Variants in TEX11 observed in about 807,000 individuals in gnomAD.
The protein encoded by TEX11 is testis expressed 11, also known as testis-expressed protein 11.
Under a neutral mutation model 84.4 loss-of-function variants are expected in TEX11, and 7 were observed. The ratio of observed to expected loss-of-function variants is 0.08; its 90% CI spans 0.05 to 0.16. The LOEUF is 0.16. TEX11 is among the 10% of genes least tolerant of loss of function. The pLI is 1.00. For synonymous variants in TEX11, 264 were observed against 222.8 expected, an observed-to-expected ratio of 1.18 and a Z score of -1.64; for missense variants, 551 against 660.5, an observed-to-expected ratio of 0.83 and a Z score of 1.82.
At chrX:70,795,450 G>A (rs192833406) in intron 9 of TEX11, among the ~76,000 whole-genome samples, 1 of 110,544 alleles carries the variant, frequency 9.0e-6, no homozygotes, top group East Asian at 2.9e-4. Flanking sequence ...AAGCTTCATC[G>A]CCTCACCTGC....
chrX:70,548,385 T>C (rs763169693), intron 28 of TEX11, among the ~76,000 whole-genome samples: 1 of 109,976 alleles, frequency 9.1e-6, no homozygotes, highest in Non-Finnish European at 1.9e-5. Flanking sequence ...AACCTGCACA[T>C]TGTGCACATG....
chrX:70,629,925 C>T (rs1459110361), intron 17 of TEX11, among the ~76,000 whole-genome samples, 190 bp from the exon 18 acceptor site: 1 of 112,086 alleles, frequency 8.9e-6, no homozygotes, highest in Non-Finnish European at 1.9e-5. Flanking sequence ...CCCAACTGAG[C>T]AACTGCACAT....
At chrX:70,714,742 A>G (rs2090479783) in intron 13 of TEX11, among the ~76,000 whole-genome samples, 1 of 111,331 alleles carries the variant, frequency 9.0e-6, no homozygotes, top group Non-Finnish European at 1.9e-5. Context: ...TTGACTCTTT[A>G]TCCAATTTGC....
chrX:70,744,100 T>C, intron 10 of TEX11, 65 bp downstream of exon 10: 1 of 725,042 alleles, frequency 1.4e-6, no homozygotes, highest in Non-Finnish European at 1.9e-6. Flanking sequence ...GCTATTATAA[T>C]TTTATAACAA....
At chrX:70,584,891 TA>T (rs1200905659) in intron 25 of TEX11, among the ~76,000 whole-genome samples, 7 of 111,329 alleles carry the variant, frequency 6.3e-5, no homozygotes, top group African/African-American at 2.0e-4. Flanking sequence ...TAAAGGGCAT[TA>T]AAAAAAATTC....
rs377710048 is a variant in TEX11 at position 70,880,072 on chromosome X, A to G, written c.75T>C (p.Pro25=). The change falls in exon 3 of 30, where the codon CCT becomes CCC. Residue 25 remains proline, a synonymous_variant. Transcript: ENST00000374333. ...GTCTATCAATTGCCTCTGGTATGTT[A>G]GGTGAATTATCATTTGTAACCAGGT... The part of the protein sequence containing the change: ...VENLVTNDNS[P]NIPEAIDRLF... 2.5e-5 allele frequency: 29 copies of G among 1,181,975 alleles called. No individual in the cohort carries two copies. The highest frequency in any genetic ancestry group is 3.2e-5 in the Non-Finnish European group (28 of 875,056).
At chrX:70,570,676 C>G (rs2088582708) in intron 25 of TEX11, among the ~76,000 whole-genome samples, 2 of 111,238 alleles carry the variant, frequency 1.8e-5, no homozygotes, top group African/African-American at 6.5e-5. Context: ...TTAAAATAGT[C>G]TAAATAGGAC....
chrX:70,686,976 T>C (rs1279808408), intron 13 of TEX11, among the ~76,000 whole-genome samples: 2 of 111,960 alleles, frequency 1.8e-5, no homozygotes, highest in Non-Finnish European at 3.8e-5. Context: ...GACATCCATT[T>C]GCAAGGGTTA....
the TEX11 span, among the ~76,000 whole-genome samples, chrX:70,511,752 C>CAAAAAAAAAA: frequency 9.2e-4 from 30 of 32,548 alleles, no homozygotes; most frequent in Non-Finnish European, 1.6e-3. Context: ...GACTCCATCT[C>CAAAAAAAAAA]AAAAAAAAAA....
At chrX:70,711,297 T>A (rs998913934) in intron 13 of TEX11, among the ~76,000 whole-genome samples, 2 of 111,519 alleles carry the variant, frequency 1.8e-5, no homozygotes, top group African/African-American at 6.5e-5. Context: ...CCTTTAGGTA[T>A]ATACCCAGTA....
intron 18 of TEX11, among the ~76,000 whole-genome samples, chrX:70,628,086 A>C (rs12690334): frequency 0.087 from 9,541 of 110,024 alleles, 923 homozygotes; most frequent in African/African-American, 0.27. Context: ...AAAATTAGTC[A>C]GGTGTGGCTG....
Position 70,594,693 on chromosome X carries a change from G to A in TEX11, c.2068-2870C>T, listed in dbSNP as rs938731791. 5.4e-5 allele frequency among the ~76,000 whole-genome samples: 6 copies of A among 111,085 alleles called. No individual in the cohort carries two copies. In the East Asian group the frequency reaches 1.1e-3, roughly 21 times the overall value. ...AGTTCCCATAATCCCCATGTGTGGT[G>A]CGAGGGACCCAGTGGGAGGTAATTG... On this transcript the variant is annotated intron_variant, in intron 24 of 29. Coordinates refer to ENST00000374333, the MANE Select transcript of TEX11 (RefSeq NM_031276.3).
At chrX:70,564,908 G>C (rs1265328167) in intron 25 of TEX11, among the ~76,000 whole-genome samples, 4 of 109,687 alleles carry the variant, frequency 3.6e-5, no homozygotes, top group African/African-American at 1.3e-4. Flanking sequence ...ATAGTCCTTT[G>C]GGTATATACC....
intron 9 of TEX11, among the ~76,000 whole-genome samples, chrX:70,751,376 C>T (rs980712294): frequency 9.6e-6 from 1 of 103,761 alleles, no homozygotes; most frequent in South Asian, 4.7e-4. Flanking sequence ...AGCAAACTAT[C>T]GCAAGGACAA....
At chrX:70,877,563 A>G (rs1375348879) in intron 3 of TEX11, among the ~76,000 whole-genome samples, 1 of 111,969 alleles carries the variant, frequency 8.9e-6, no homozygotes, top group Admixed American at 9.5e-5. Flanking sequence ...AGGGACTTGA[A>G]CAGAAATTTC....
At position 70,741,787 on chromosome X, in the gene TEX11, C is replaced by T. The variant is rs377284680; in HGVS notation, c.748-991G>A. 3.3e-4 allele frequency among the ~76,000 whole-genome samples: 37 copies of T among 110,570 alleles called. 1 individual carries two copies. Among genetic ancestry groups the T allele is most frequent in the East Asian group, 2.3e-3 (8 of 3,517 alleles). On this transcript the variant is annotated intron_variant, in intron 10 of 29. Transcript: ENST00000374333. ...TCTTCCTCCCTTTTAACTGTGTGGA[C>T]CCCAAAAAGGCCTGTCTCCTACCAA...
At chrX:70,838,181 G>A (rs1271687812) in intron 7 of TEX11, among the ~76,000 whole-genome samples, 1 of 111,916 alleles carries the variant, frequency 8.9e-6, no homozygotes, top group Non-Finnish European at 1.9e-5. Context: ...TGCTTTGGGA[G>A]GCCGAGGTGG....
intron 7 of TEX11, among the ~76,000 whole-genome samples, chrX:70,836,649 TA>T (rs1206089622): frequency 2.7e-5 from 3 of 111,699 alleles, no homozygotes; most frequent in Non-Finnish European, 5.6e-5. Flanking sequence ...ATAGCTACAA[TA>T]AAAAAATTGG....
chrX:70,557,178 A>C (rs2088297538), intron 25 of TEX11, among the ~76,000 whole-genome samples: 1 of 110,216 alleles, frequency 9.1e-6, no homozygotes, highest in East Asian at 2.9e-4. Context: ...CTTAGAAATA[A>C]AGAACAAGGA....
Sources: gnomAD v4.1 joint callset for allele counts (sites outside exome capture counted in the v4.1 genomes callset) on GRCh38, gnomAD v4.1.1 for gene constraint, MANE v1.5 for transcripts, NCBI Gene and HGNC (gene_info 2026-07-23, HGNC 2026-07-21) for gene names.